Variants in MAP2K5 observed in about 807,000 individuals in gnomAD.
MAP2K5 encodes the protein mitogen-activated protein kinase kinase 5.
MAP2K5 carries 49 observed loss-of-function variants against 83.1 expected under a neutral mutation model. That is an observed-to-expected ratio of 0.59 (90% CI 0.47 to 0.75). The LOEUF (loss-of-function observed/expected upper bound fraction) is 0.75. Ranked by LOEUF, MAP2K5 falls within the 30% of genes least tolerant of loss-of-function variation. MAP2K5 has a pLI of 0.00. For synonymous variants in MAP2K5, 202 were observed against 191.8 expected, an observed-to-expected ratio of 1.05 and a Z score of -0.44; for missense variants, 457 against 557.5, an observed-to-expected ratio of 0.82 and a Z score of 1.82.
At chr15:67,705,124 C>T (rs2088517451) in intron 16 of MAP2K5, among the ~76,000 whole-genome samples, 1 of 152,168 alleles carries the variant, frequency 6.6e-6, no homozygotes, top group Admixed American at 6.6e-5. Flanking sequence ...AGTTGTGTGA[C>T]TGAGACAGTG....
chr15:67,585,134 T>TGG (rs1194062726), intron 4 of MAP2K5, among the ~76,000 whole-genome samples: 6 of 150,804 alleles, frequency 4.0e-5, no homozygotes, highest in Non-Finnish European at 7.4e-5. Context: ...TCAAAATTGA[T>TGG]GGCCCCTTAA....
intron 1 of MAP2K5, among the ~76,000 whole-genome samples, chr15:67,545,557 A>T (rs866851678): frequency 6.6e-6 from 1 of 152,226 alleles, no homozygotes; most frequent in African/African-American, 2.4e-5. Context: ...TGTGACTGTG[A>T]TGAGAAAGAT....
intron 21 of MAP2K5, among the ~76,000 whole-genome samples, chr15:67,804,636 A>G (rs1259524051): frequency 6.6e-6 from 1 of 152,208 alleles, no homozygotes; most frequent in African/African-American, 2.4e-5. Flanking sequence ...TGCTTGTTCC[A>G]GAACAGATGA....
intron 21 of MAP2K5, among the ~76,000 whole-genome samples, chr15:67,784,921 C>T (rs2090391423): frequency 6.6e-6 from 1 of 152,106 alleles, no homozygotes; most frequent in Non-Finnish European, 1.5e-5. Context: ...GGCTGTGCAC[C>T]AGTGGTAGTA....
chr15:67,799,488 G>C (rs2090664288), intron 21 of MAP2K5, among the ~76,000 whole-genome samples: 1 of 152,264 alleles, frequency 6.6e-6, no homozygotes, highest in Admixed American at 6.5e-5. Flanking sequence ...TTTGGTGTGG[G>C]TGAGGAAGCT....
chr15:67,701,398 A>C (rs535463640), intron 15 of MAP2K5, among the ~76,000 whole-genome samples: 1 of 152,338 alleles, frequency 6.6e-6, no homozygotes, highest in East Asian at 1.9e-4. Context: ...ATGTCTGCCT[A>C]GTACTCTCTT....
In MAP2K5 at chr15:67,543,440, C is replaced by G. The variant is rs41306690; in HGVS notation, c.105C>G (p.Ser35=). Residue 35 remains serine (S), a synonymous_variant, in exon 1 of 22, where the codon TCC becomes TCG. Transcript: ENST00000178640. This position sits in a 1 kb window ranked among gnomAD's most constrained non-coding sequence, Gnocchi z 4.3. ...GCGCGGTGGACTGGACAGTGCACTC[C>G]GGGCCGCAGTTACTCTTCAGGGATG... The part of the protein sequence containing the change: ...NSGAVDWTVH[S]GPQLLFRDVL... The G allele has an allele frequency of 6.2e-7, 1 of 1,614,122 alleles. No individual in the cohort carries two copies. Among genetic ancestry groups the G allele is most frequent in the Non-Finnish European group, 8.5e-7 (1 of 1,180,026 alleles).
intron 8 of MAP2K5, among the ~76,000 whole-genome samples, chr15:67,625,016 T>C (rs1161758446): frequency 1.3e-5 from 2 of 152,220 alleles, no homozygotes; most frequent in African/African-American, 4.8e-5. Flanking sequence ...CTGTGTGAGC[T>C]TGGATAAGTT....
At chr15:67,766,535 G>C (rs1019195393) in intron 19 of MAP2K5, among the ~76,000 whole-genome samples, 24 of 152,276 alleles carry the variant, frequency 1.6e-4, no homozygotes, top group African/African-American at 5.8e-4. Context: ...TGCTTTACTA[G>C]AGTCTCTGAA....
chr15:67,628,980 T>C, intron 8 of MAP2K5: 1 of 761,464 alleles, frequency 1.3e-6, no homozygotes, highest in Admixed American at 1.7e-5. Flanking sequence ...CAACAATCAG[T>C]CTTCAAATTT....
At chr15:67,582,431 A>G (rs1377192649) in intron 4 of MAP2K5, among the ~76,000 whole-genome samples, 1 of 152,196 alleles carries the variant, frequency 6.6e-6, no homozygotes, top group Non-Finnish European at 1.5e-5. Context: ...CTTTCTTCAC[A>G]AGGAGTAGTA....
intron 21 of MAP2K5, among the ~76,000 whole-genome samples, chr15:67,805,842 C>T (rs3784719): frequency 0.39 from 59,099 of 152,104 alleles, 12,310 homozygotes; most frequent in East Asian, 0.7. Context: ...CTGACTGTGG[C>T]CTGGTAACCC....
chr15:67,568,796 A>G (rs57075395), intron 3 of MAP2K5, among the ~76,000 whole-genome samples: 45,413 of 151,478 alleles, frequency 0.3, 7,372 homozygotes, highest in African/African-American at 0.42. Flanking sequence ...CATGAGGTCA[A>G]GAGATCGTGA....
chr15:67,756,264 ATCT>A (rs1316255964), intron 19 of MAP2K5, among the ~76,000 whole-genome samples: 3 of 152,174 alleles, frequency 2.0e-5, no homozygotes, highest in Non-Finnish European at 2.9e-5. Flanking sequence ...CTCTCTCACC[ATCT>A]TCTTATGCTG....
At chr15:67,715,881 C>A (rs902816050) in intron 16 of MAP2K5, among the ~76,000 whole-genome samples, 1 of 152,312 alleles carries the variant, frequency 6.6e-6, no homozygotes, top group East Asian at 1.9e-4. Context: ...CTTTCCTCCT[C>A]AACAGTGAAA....
rs1053011206 is a variant in MAP2K5, at chr15:67,724,278, A to G, written c.1045-3638A>G. On this transcript the variant is annotated intron_variant, in intron 16 of 21. Transcript: ENST00000178640. The surrounding 1 kb of genome is among the most constrained non-coding windows in gnomAD (Gnocchi z 4.4). The stretch of plus-strand genomic sequence containing the variant: ...GGGGTAAAAGATACAGAATGGCCCC[A>G]GGTCTGCCTGTGTGTGAAATATTCA... Among the ~76,000 whole-genome samples, 75 of 152,362 alleles carry G rather than the reference A, an allele frequency of 4.9e-4. No individual in the cohort carries two copies. Among genetic ancestry groups the G allele is most frequent in the Middle Eastern group, 3.4e-3 (1 of 294 alleles).
chr15:67,543,308 C>A lies in MAP2K5; in HGVS notation c.-28C>A, dbSNP rs1196638625. ...CCAGCGGCCAGTGGGTTTCCCATAC[C>A]CCAGGATGTGAGCCTCTTTAACCTG... On this transcript the variant is annotated 5_prime_UTR_variant, in exon 1 of 22. Coordinates refer to ENST00000178640, the MANE Select transcript of MAP2K5 (RefSeq NM_145160.3). This position sits in a 1 kb window ranked among gnomAD's most constrained non-coding sequence, Gnocchi z 4.3. The A allele has an allele frequency of 6.2e-7, 1 of 1,613,916 alleles. No homozygotes were observed. Among genetic ancestry groups the A allele is most frequent in the Non-Finnish European group, 8.5e-7 (1 of 1,179,864 alleles).
At chr15:67,696,933 C>T (rs2088278588) in intron 15 of MAP2K5, among the ~76,000 whole-genome samples, 2 of 152,116 alleles carry the variant, frequency 1.3e-5, no homozygotes, top group African/African-American at 2.4e-5. Flanking sequence ...GAGCTGAGAT[C>T]GCACCATTGC....
At chr15:67,737,355 T>C (rs2089365658) in intron 17 of MAP2K5, among the ~76,000 whole-genome samples, 1 of 152,174 alleles carries the variant, frequency 6.6e-6, no homozygotes, top group African/African-American at 2.4e-5. Context: ...TGGGTAGATT[T>C]GGGGATAGGG....
Sources: gnomAD v4.1 joint callset for allele counts (sites outside exome capture counted in the v4.1 genomes callset) on GRCh38, gnomAD v4.1.1 for gene constraint, Gnocchi (gnomAD v3.1) non-coding constraint, MANE v1.5 for transcripts, NCBI Gene and HGNC (gene_info 2026-07-23, HGNC 2026-07-21) for gene names.